The following TDRD12 variants were observed in gnomAD, a reference collection of about 807,000 sequenced individuals.
TDRD12 encodes putative ATP-dependent RNA helicase TDRD12.
Under a neutral mutation model 133.5 loss-of-function variants are expected in TDRD12, and 158 were observed. That is an observed-to-expected ratio of 1.18 (90% CI 1.04 to 1.35). The LOEUF (loss-of-function observed/expected upper bound fraction) is 1.35. TDRD12 is among the 40% of genes most tolerant of loss of function. The pLI is 0.00. For synonymous variants in TDRD12, 460 were observed against 477.9 expected (o/e 0.96, Z 0.49); for missense variants, 1,443 against 1,321.3 (o/e 1.09, Z -1.43).
At chr19:32,825,980 T>C, downstream of TDRD12, 1 of 680,856 alleles carries the variant, frequency 1.5e-6, no homozygotes, top group Non-Finnish European at 2.4e-6. The surrounding 1 kb of genome is among the most constrained non-coding windows in gnomAD (Gnocchi z 4.1). Flanking sequence ...ATTTACACTT[T>C]TATGTGATTC....
chr19:32,811,353 C>T lies in TDRD12; in HGVS notation c.2981C>T (p.Pro994Leu), dbSNP rs533446853. Residue 994 changes from proline (P) to leucine (L), a missense_variant, in exon 24 of 28, where the codon CCG (proline) becomes CTG (leucine). By Grantham distance (98) the Pro-to-Leu change is moderately conservative. Coordinates refer to ENST00000444215, the Ensembl canonical transcript of TDRD12. ...CCAGAACATTTCCACACACTTCCCC[C>T]GCAGGCTGTGGAGTTTATTGTCTGT... is the stretch of plus-strand genomic sequence containing the variant. 4.7e-5 allele frequency: 72 copies of T among 1,536,002 alleles called. 1 individual carries two copies. The highest frequency in any genetic ancestry group is 2.0e-4 in the South Asian group (17 of 84,072).
intron 22 of TDRD12, 151 bp from the exon 23 acceptor site, chr19:32,809,942 T>C (rs1014649387): frequency 2.1e-6 from 1 of 468,744 alleles, no homozygotes; most frequent in Non-Finnish European, 3.6e-6. Context: ...TTGCTTTGCT[T>C]TTTTGGCTAG....
chr19:32,781,643 A>T (rs1599577980), intron 11 of TDRD12, among the ~76,000 whole-genome samples: 1 of 150,398 alleles, frequency 6.6e-6, no homozygotes, highest in Non-Finnish European at 1.5e-5. Context: ...AGAGACGTCC[A>T]CTCTATTCTG....
chr19:32,723,646 G>GAAATAAATAAA, intron 1 of TDRD12, among the ~76,000 whole-genome samples: 1 of 144,366 alleles, frequency 6.9e-6, no homozygotes, highest in African/African-American at 2.6e-5. Flanking sequence ...TATGCATTTT[G>GAAATAAATAAA]TAATTGCTTG....
intron 8 of TDRD12, among the ~76,000 whole-genome samples, chr19:32,760,120 C>T (rs142741010): frequency 2.0e-5 from 3 of 152,312 alleles, no homozygotes; most frequent in East Asian, 1.9e-4. Context: ...TTAATTATTG[C>T]GTGGCTTTCC....
chr19:32,780,944 C>CTT (rs11383637), intron 11 of TDRD12, among the ~76,000 whole-genome samples: 5,744 of 126,720 alleles, frequency 0.045, 280 homozygotes, highest in East Asian at 0.23. Flanking sequence ...TTTAATCTAT[C>CTT]TTTTTTTTTT....
exon 24 of TDRD12, chr19:32,811,376 T>C (rs1453568831): frequency 6.5e-7 from 1 of 1,536,136 alleles, no homozygotes; most frequent in South Asian, 1.2e-5. Flanking sequence ...GTTTATTGTC[T>C]GTAGGGTGAA....
chr19:32,800,568 C>G (rs1228536934), intron 17 of TDRD12, 76 bp from the exon 18 acceptor site: 1 of 1,259,282 alleles, frequency 7.9e-7, no homozygotes, highest in Non-Finnish European at 1.1e-6. Flanking sequence ...CTATTAAAAT[C>G]CCAACACCTG....
intron 14 of TDRD12, among the ~76,000 whole-genome samples, chr19:32,795,337 A>G: frequency 3.6e-5 from 1 of 28,140 alleles, no homozygotes; most frequent in Non-Finnish European, 6.4e-5. Context: ...CCATCTCAGA[A>G]AAAAAAAAAA....
chr19:32,746,352 G>A (rs111690544), intron 4 of TDRD12, among the ~76,000 whole-genome samples: 1 of 88,636 alleles, frequency 1.1e-5, no homozygotes, highest in Non-Finnish European at 2.4e-5. Flanking sequence ...GTGACAGAGA[G>A]GGGGAGAGAG....
intron 21 of TDRD12, 47 bp downstream of exon 21, chr19:32,803,189 T>C (rs754872727): frequency 7.6e-7 from 1 of 1,310,072 alleles, no homozygotes; most frequent in South Asian, 1.5e-5. Context: ...TAACCTGCAG[T>C]AAGGTGCACA....
At chr19:32,796,978 C>T (rs938968047) in intron 14 of TDRD12, among the ~76,000 whole-genome samples, 5 of 144,936 alleles carry the variant, frequency 3.4e-5, no homozygotes, top group Non-Finnish European at 7.5e-5. Context: ...AAGAGAGGTT[C>T]GTCTTTTTTT....
Position 32,811,445 on chromosome 19 carries a change from A to ATTGT in TDRD12, c.3048+27_3048+30dup, listed in dbSNP as rs1390889955. ...GGTGGGTGATTTTGGCTTTTTATCT[A>ATTGT]TTGTTGACTTTTAGAATATATTTAA... On this transcript the variant is annotated intron_variant, in intron 24 of 27. Coordinates refer to ENST00000444215, the Ensembl canonical transcript of TDRD12. 9 of 1,516,616 alleles carry ATTGT rather than the reference A, an allele frequency of 5.9e-6. No homozygotes were observed. The African/African-American group carries it at 1.2e-4, about 21-fold the overall frequency. 93.9% of individuals were successfully genotyped at this position (1,516,616 alleles called of 1,614,324 possible). A position where few individuals can be genotyped will look rare whatever the true frequency, so the allele number is the denominator to read the frequency against.
At chr19:32,719,973 C>G (rs1968567633) in exon 1 of TDRD12, 1 of 1,435,684 alleles carries the variant, frequency 7.0e-7, no homozygotes, top group Non-Finnish European at 9.5e-7. Context: ...GGAACGCACT[C>G]GCGGCGGGGG....
chr19:32,739,498 C>T (rs1000796507), intron 3 of TDRD12, among the ~76,000 whole-genome samples: 2 of 142,306 alleles, frequency 1.4e-5, no homozygotes, highest in African/African-American at 2.7e-5. Flanking sequence ...GGGGCTCTTT[C>T]TGCATCTCCT....
chr19:32,821,178 C>T (rs866334749), exon 28 of TDRD12: 26 of 1,472,368 alleles, frequency 1.8e-5, no homozygotes, highest in African/African-American at 1.1e-4. Context: ...AAGTTCAAAT[C>T]GTTAATGTCT....
At chr19:32,778,312 A>T (rs139313209) in intron 11 of TDRD12, among the ~76,000 whole-genome samples, 81 of 152,094 alleles carry the variant, frequency 5.3e-4, no homozygotes, top group Middle Eastern at 3.4e-3. Context: ...AGAGTTGGGG[A>T]TGGCTGTTGA....
At chr19:32,751,114 C>T (rs1385476921) in intron 6 of TDRD12, among the ~76,000 whole-genome samples, 1 of 146,298 alleles carries the variant, frequency 6.8e-6, no homozygotes, top group Middle Eastern at 3.4e-3. Context: ...CCCCTCCCCA[C>T]CCCCCGACAG....
intron 10 of TDRD12, among the ~76,000 whole-genome samples, chr19:32,776,222 A>T (rs1411138150): frequency 2.6e-5 from 4 of 152,212 alleles, no homozygotes; most frequent in Admixed American, 1.3e-4. Flanking sequence ...GTGTGCAGTA[A>T]TGTGGAATTG....
Sources: gnomAD v4.1 joint callset for allele counts (sites outside exome capture counted in the v4.1 genomes callset) on GRCh38, gnomAD v4.1.1 for gene constraint, Gnocchi (gnomAD v3.1) non-coding constraint, MANE v1.5 for transcripts, NCBI Gene and HGNC (gene_info 2026-07-23, HGNC 2026-07-21) for gene names.